The following LTBP2 variants were observed in gnomAD, a reference collection of about 807,000 sequenced individuals.
The protein encoded by LTBP2 is latent transforming growth factor beta binding protein 2, also known as latent-transforming growth factor beta-binding protein 2.
In LTBP2, 103 loss-of-function variants were observed where a neutral mutation model predicts 210.6. That is an observed-to-expected ratio of 0.49 (90% CI 0.42 to 0.58). The LOEUF (loss-of-function observed/expected upper bound fraction) is 0.58, where lower values mean the gene tolerates loss of function less well. LTBP2 is among the 20% of genes least tolerant of loss of function. The pLI is 0.00. For synonymous variants in LTBP2, 1,007 were observed against 1,015.0 expected (o/e 0.99, Z 0.15); for missense variants, 2,313 against 2,494.5 (o/e 0.93, Z 1.55).
chr14:74,501,655 G>A, intron 34 of LTBP2, 65 bp from the exon 35 acceptor site: 1 of 1,604,424 alleles, frequency 6.2e-7, no homozygotes, highest in Non-Finnish European at 8.5e-7. Context: ...CCTAATGCTG[G>A]GACCCTCGCC....
chr14:74,521,386 G>A (rs978520601), intron 17 of LTBP2, among the ~76,000 whole-genome samples: 1 of 151,774 alleles, frequency 6.6e-6, no homozygotes, highest in Non-Finnish European at 1.5e-5. Flanking sequence ...AAGGGTTTGC[G>A]TTGGGAGCGT....
Position 74,516,886 on chromosome 14 carries a change from G to A in LTBP2, c.2844C>T (p.Thr948=), listed in dbSNP as rs371586064. 1.5e-5 allele frequency: 23 copies of A among 1,551,912 alleles called. No individual in the cohort carries two copies. The highest frequency in any genetic ancestry group is 1.1e-4 in the African/African-American group (8 of 73,144). Residue 948 remains threonine (T), a synonymous_variant, in exon 18 of 36, where the codon ACC becomes ACT. Transcript: ENST00000261978. The part of the protein sequence containing the change: ...GVCSGGQCTN[T]EGSYHCECDQ... Reference sequence around the variant, plus strand: ...CACACTCGCAGTGGTACGAGCCCTCGGTGTTGGTGCACTGCCCCCCGCTGC... The same window carrying A: ...CACACTCGCAGTGGTACGAGCCCTCAGTGTTGGTGCACTGCCCCCCGCTGC...
rs755987568 is a variant in LTBP2, at chr14:74,516,834, C to T, written c.2896G>A (p.Gly966Arg). The change falls in exon 18 of 36, where the codon GGA (glycine) becomes AGA (arginine). Residue 966 changes from glycine to arginine, a missense_variant. Coordinates refer to ENST00000261978, the MANE Select transcript of LTBP2 (RefSeq NM_000428.3). ...TCCCGTTCCTTACCTTGGCAGTGTC[C>T]TTTCCTGACCATGATGTAGCCCTGA... ...CDQGYIMVRKGHCQDINECRH... is the reference protein window; with the variant it reads ...CDQGYIMVRKRHCQDINECRH... 1 of 1,551,838 alleles carries T rather than the reference C, an allele frequency of 6.4e-7. No homozygotes were observed. Among genetic ancestry groups the T allele is most frequent in the Admixed American group, 2.0e-5 (1 of 51,030 alleles).
chr14:74,548,450 GGGCCTGCATGCTAT>G, intron 8 of LTBP2, among the ~76,000 whole-genome samples: 1 of 152,062 alleles, frequency 6.6e-6, no homozygotes, highest in Non-Finnish European at 1.5e-5. Context: ...TCTCTGTCCA[GGGCCTGCATGCTAT>G]GGCCTCTTCA....
At chr14:74,584,071 C>T (rs1290078241) in intron 3 of LTBP2, among the ~76,000 whole-genome samples, 1 of 152,140 alleles carries the variant, frequency 6.6e-6, no homozygotes, top group African/African-American at 2.4e-5. Context: ...ATGGACTGAG[C>T]ATTTTTGATG....
At chr14:74,510,054 C>A in intron 20 of LTBP2, 37 bp downstream of exon 20, 2 of 1,613,752 alleles carry the variant, frequency 1.2e-6, no homozygotes, top group South Asian at 1.1e-5. Flanking sequence ...CAAGCTGGAT[C>A]GGCCTGCGGA....
intron 17 of LTBP2, among the ~76,000 whole-genome samples, chr14:74,521,450 CA>C (rs2087201812): frequency 2.0e-5 from 3 of 152,186 alleles, no homozygotes; most frequent in Non-Finnish European, 4.4e-5. Context: ...CAGGGAAGTG[CA>C]AAGCCCTACA....
At chr14:74,539,543 CA>C (rs946550329) in intron 8 of LTBP2, among the ~76,000 whole-genome samples, 1 of 151,798 alleles carries the variant, frequency 6.6e-6, no homozygotes, top group East Asian at 1.9e-4. Context: ...CCCGTCTCTA[CA>C]AAAAAAATAA....
At chr14:74,564,511 C>A (rs1274717526) in intron 3 of LTBP2, among the ~76,000 whole-genome samples, 1 of 146,730 alleles carries the variant, frequency 6.8e-6, no homozygotes, top group Non-Finnish European at 1.5e-5. Flanking sequence ...TCTTCTGCCT[C>A]AGCCTCCTGA....
rs1380336338 is a variant in LTBP2, at chr14:74,507,320, G to A, written c.3776-10C>T. ...TCACACTCGTCAATATCTGTCCCCAGAGCCATGCCATGAGAGAGGACAGAG... is the reference window on the plus strand; with the variant it reads ...TCACACTCGTCAATATCTGTCCCCAAAGCCATGCCATGAGAGAGGACAGAG... On this transcript the variant is annotated splice_polypyrimidine_tract_variant and intron_variant, in intron 25 of 35. Coordinates refer to ENST00000261978, the MANE Select transcript of LTBP2 (RefSeq NM_000428.3). 6.2e-7 allele frequency: 1 copy of A among 1,613,940 alleles called. No homozygotes were observed.
At position 74,551,078 on chromosome 14, in the gene LTBP2, T is replaced by G. The variant is rs770705078; in HGVS notation, c.1672A>C (p.Thr558Pro). 3.1e-6 allele frequency: 5 copies of G among 1,613,616 alleles called. No homozygotes were observed. The South Asian group carries it at 5.5e-5, about 18-fold the overall frequency. Residue 558 changes from threonine to proline, a missense_variant, in exon 7 of 36, where the codon ACT becomes CCT. Coordinates refer to ENST00000261978, the MANE Select transcript of LTBP2 (RefSeq NM_000428.3). The part of the protein sequence containing the change: ...RGLLGRCYLN[T>P]VNGQCANPLL... The stretch of plus-strand genomic sequence containing the variant: ...TGTGTTCTCACCTGTCCGTTCACAG[T>G]GTTCAGGTAACACCGGCCCAGCAGT...
chr14:74,523,202 C>T (rs2087230937), intron 15 of LTBP2, among the ~76,000 whole-genome samples: 1 of 152,074 alleles, frequency 6.6e-6, no homozygotes, highest in South Asian at 2.1e-4. Flanking sequence ...CAGCAAAACC[C>T]CTCCATCCTA....
intron 28 of LTBP2, 57 bp downstream of exon 28, chr14:74,505,991 G>A: frequency 6.2e-7 from 1 of 1,608,438 alleles, no homozygotes; most frequent in Non-Finnish European, 8.5e-7. Context: ...GATGCAGAGG[G>A]ACACGCTCTC....
chr14:74,510,305 G>A, intron 19 of LTBP2, 92 bp from the exon 20 acceptor site: 1 of 1,580,710 alleles, frequency 6.3e-7, no homozygotes, highest in Admixed American at 1.7e-5. Context: ...TATGAGGCCA[G>A]GGAACCAGCC....
rs187845845 is a variant in LTBP2, at chr14:74,605,348, C to G, written c.495-1643G>C. ...TGGGCACTGCCTCCCTCCCAGGGAG[C>G]TCCCAGAATGTCCCACCAGCCAAGA... On this transcript the variant is annotated intron_variant, in intron 1 of 35. Coordinates refer to ENST00000261978, the MANE Select transcript of LTBP2 (RefSeq NM_000428.3). 3.9e-5 allele frequency among the ~76,000 whole-genome samples: 6 copies of G among 152,316 alleles called. No individual in the cohort carries two copies. The East Asian group carries it at 1.2e-3, about 29-fold the overall frequency.
intron 10 of LTBP2, 80 bp downstream of exon 10, chr14:74,532,346 C>T: frequency 6.3e-7 from 1 of 1,595,322 alleles, no homozygotes; most frequent in Middle Eastern, 2.1e-4. Flanking sequence ...AAATTGCTGC[C>T]CTGGGCCTGG....
At chr14:74,520,047 G>C (rs2087182111) in intron 17 of LTBP2, among the ~76,000 whole-genome samples, 1 of 152,236 alleles carries the variant, frequency 6.6e-6, no homozygotes, top group Non-Finnish European at 1.5e-5. Context: ...CTGTGAGACA[G>C]TGTCCAAGCG....
intron 2 of LTBP2, among the ~76,000 whole-genome samples, chr14:74,591,439 A>G (rs1170645985): frequency 6.6e-6 from 1 of 152,224 alleles, no homozygotes; most frequent in East Asian, 1.9e-4. Context: ...GGTGGGAAAA[A>G]TCCCCTCAGG....
chr14:74,583,808 C>T (rs2088168293), intron 3 of LTBP2, among the ~76,000 whole-genome samples: 1 of 152,276 alleles, frequency 6.6e-6, no homozygotes. Context: ...GAGCAGAACA[C>T]AGTCCCTGTG....
Sources: allele counts gnomAD v4.1 joint callset (sites outside exome capture counted in the v4.1 genomes callset), GRCh38; gene constraint gnomAD v4.1.1; transcripts MANE v1.5; gene names NCBI Gene and HGNC (gene_info 2026-07-23, HGNC 2026-07-21).